Variants in PLEKHH2 observed in about 807,000 individuals in gnomAD.
The protein encoded by PLEKHH2 is pleckstrin homology domain-containing family H member 2.
A neutral mutation model predicts 187.9 loss-of-function variants in PLEKHH2; 129 were observed. The ratio of observed to expected loss-of-function variants is 0.69; its 90% CI spans 0.59 to 0.79. The LOEUF is 0.79. PLEKHH2 is among the 30% of genes least tolerant of loss of function. The pLI, the probability that PLEKHH2 is intolerant of heterozygous loss-of-function variation, is 0.00. For synonymous variants in PLEKHH2, 686 were observed against 605.6 expected (o/e 1.13, Z -1.95); for missense variants, 2,076 against 1,751.2 (o/e 1.19, Z -3.31).
intron 16 of PLEKHH2, among the ~76,000 whole-genome samples, chr2:43,723,584 AT>A (rs1318143933): frequency 6.6e-6 from 1 of 152,204 alleles, no homozygotes; most frequent in African/African-American, 2.4e-5. Flanking sequence ...AAGGGAGGAT[AT>A]CTTTCATATA....
At chr2:43,698,362 C>T (rs879646173) in intron 7 of PLEKHH2, among the ~76,000 whole-genome samples, 5 of 151,960 alleles carry the variant, frequency 3.3e-5, no homozygotes, top group Non-Finnish European at 7.4e-5. Context: ...ATCCTCCCAC[C>T]TCAGCATCCC....
At chr2:43,747,513 C>T (rs1344596488) in intron 24 of PLEKHH2, among the ~76,000 whole-genome samples, 4 of 152,152 alleles carry the variant, frequency 2.6e-5, no homozygotes, top group South Asian at 2.1e-4. Flanking sequence ...GAGAAAATGC[C>T]GGAGACTCCG....
chr2:43,738,947 A>G (rs1452647026), intron 20 of PLEKHH2, among the ~76,000 whole-genome samples: 1 of 152,232 alleles, frequency 6.6e-6, no homozygotes, highest in South Asian at 2.1e-4. Flanking sequence ...GCTGGAGTGC[A>G]ATGGCACAAT....
At chr2:43,666,566 A>G (rs1667227866) in intron 2 of PLEKHH2, among the ~76,000 whole-genome samples, 1 of 152,160 alleles carries the variant, frequency 6.6e-6, no homozygotes, top group African/African-American at 2.4e-5. Context: ...TTGCATTCCT[A>G]CCAGTAATGC....
intron 2 of PLEKHH2, among the ~76,000 whole-genome samples, chr2:43,673,741 G>T (rs1003731439): frequency 7.2e-5 from 11 of 152,136 alleles, no homozygotes; most frequent in African/African-American, 2.4e-4. Context: ...GTAGGGAGAG[G>T]AGACTCAGAT....
intron 16 of PLEKHH2, among the ~76,000 whole-genome samples, chr2:43,725,262 G>A (rs1039360038): frequency 5.3e-5 from 8 of 152,222 alleles, no homozygotes; most frequent in South Asian, 2.1e-4. Context: ...GAGAGTTTGT[G>A]TTTGTTGCCA....
At chr2:43,726,802 C>T (rs965919944) in intron 17 of PLEKHH2, among the ~76,000 whole-genome samples, 1 of 151,952 alleles carries the variant, frequency 6.6e-6, no homozygotes, top group South Asian at 2.1e-4. Context: ...GCCTTAGATA[C>T]AGTAGAAAAT....
chr2:43,697,665 C>G (rs1393284379), intron 7 of PLEKHH2, among the ~76,000 whole-genome samples: 3 of 152,160 alleles, frequency 2.0e-5, no homozygotes, highest in African/African-American at 7.2e-5. Flanking sequence ...CTTGTTTTAG[C>G]TGAGTTTCAG....
chr2:43,758,769 T>C, intron 26 of PLEKHH2, 131 bp from the exon 27 acceptor site: 2 of 680,326 alleles, frequency 2.9e-6, no homozygotes, highest in Non-Finnish European at 4.5e-6. Flanking sequence ...ACAAAATCTT[T>C]ACCTGGGTTA....
chr2:43,726,320 G>C lies in PLEKHH2; in HGVS notation c.2590G>C (p.Asp864His). The C allele has an allele frequency of 6.2e-7, 1 of 1,612,432 alleles. No individual in the cohort carries two copies. ...CTGGGAGGCTAAAGTGGAAGAGGTT[G>C]ACAGATCTTGTGATTCAGATGAAGA... ...KLWEAKVEEV[D>H]RSCDSDEDYE... Residue 864 changes from aspartate (D) to histidine (H), a missense_variant, in exon 17 of 30, where the codon GAC becomes CAC. Coordinates refer to ENST00000282406, the MANE Select transcript of PLEKHH2 (RefSeq NM_172069.4).
chr2:43,676,382 T>TCC (rs1667791730), intron 2 of PLEKHH2: 1 of 1,375,816 alleles, frequency 7.3e-7, no homozygotes, highest in African/African-American at 1.5e-5. Context: ...GGTCCTGGGG[T>TCC]CCCGCGCCTT....
chr2:43,757,422 CTTT>C (rs564542581), intron 26 of PLEKHH2, among the ~76,000 whole-genome samples, 158 bp downstream of exon 26: 5 of 139,390 alleles, frequency 3.6e-5, no homozygotes, highest in Admixed American at 7.2e-5. Context: ...TTTTTTCTTT[CTTT>C]TTTTTTTTTT....
intron 2 of PLEKHH2, chr2:43,675,779 C>G: frequency 6.2e-7 from 1 of 1,613,646 alleles, no homozygotes; most frequent in Non-Finnish European, 8.5e-7. Flanking sequence ...ATCCCTCCTT[C>G]CACAGTCACG....
At chr2:43,760,359 C>CT (rs763777313) in intron 27 of PLEKHH2, among the ~76,000 whole-genome samples, 22,208 of 118,788 alleles carry the variant, frequency 0.19, 3,557 homozygotes, top group African/African-American at 0.36. Context: ...ACCCTTTAAC[C>CT]TTTTTTTTTT....
intron 3 of PLEKHH2, among the ~76,000 whole-genome samples, chr2:43,687,942 A>G (rs1015451995): frequency 1.3e-5 from 2 of 152,020 alleles, no homozygotes; most frequent in South Asian, 2.1e-4. Flanking sequence ...GACCACAGGC[A>G]TATGCCACTA....
intron 3 of PLEKHH2, among the ~76,000 whole-genome samples, chr2:43,685,260 G>T (rs1467626484): frequency 6.6e-6 from 1 of 152,178 alleles, no homozygotes; most frequent in Non-Finnish European, 1.5e-5. Flanking sequence ...TAAAGCCAGT[G>T]CAACTCTATA....
chr2:43,738,899 G>C (rs1236626699), intron 20 of PLEKHH2, among the ~76,000 whole-genome samples: 1 of 151,962 alleles, frequency 6.6e-6, no homozygotes, highest in African/African-American at 2.4e-5. Flanking sequence ...AGACATCTTT[G>C]AACCTAAATG....
Position 43,692,583 on chromosome 2 carries a change from A to G in PLEKHH2, c.256A>G (p.Asn86Asp), listed in dbSNP as rs867228588. ...CAGTGAATCAGAGACAAGATTATAT[A>G]ATAAGTGTCAAGATCTGGAGTCGCT... is the stretch of plus-strand genomic sequence containing the variant. ...QTSESETRLY[N>D]KCQDLESLIQ... The change falls in exon 4 of 30, where the codon AAT becomes GAT. Residue 86 changes from asparagine (N) to aspartate (D), a missense_variant. Coordinates refer to ENST00000282406, the MANE Select transcript of PLEKHH2 (RefSeq NM_172069.4). 6.2e-7 allele frequency: 1 copy of G among 1,606,370 alleles called. No homozygotes were observed. The highest frequency in any genetic ancestry group is 1.7e-5 in the Admixed American group (1 of 59,744).
At chr2:43,722,378 A>G (rs536710878) in intron 16 of PLEKHH2, among the ~76,000 whole-genome samples, 146 of 152,302 alleles carry the variant, frequency 9.6e-4, no homozygotes, top group African/African-American at 2.8e-3. Context: ...GAAACTGCCA[A>G]TGAAGGTCAG....
Sources: allele counts gnomAD v4.1 joint callset (sites outside exome capture counted in the v4.1 genomes callset), GRCh38; gene constraint gnomAD v4.1.1; transcripts MANE v1.5; gene names NCBI Gene and HGNC (gene_info 2026-07-23, HGNC 2026-07-21).